Variants in KIF2A observed in about 807,000 individuals in gnomAD.
The protein encoded by KIF2A is kinesin family member 2A, also known as kinesin-like protein KIF2A.
KIF2A carries 22 observed loss-of-function variants against 100.2 expected under a neutral mutation model. The observed-to-expected ratio is 0.22, with a 90% CI of 0.16 to 0.31. The LOEUF (loss-of-function observed/expected upper bound fraction) is 0.31. KIF2A is among the 10% of genes least tolerant of loss of function. The pLI is 1.00. For missense variants in KIF2A, 495 were observed against 898.7 expected, an observed-to-expected ratio of 0.55 and a Z score of 5.74; for synonymous variants, 268 against 285.9, an observed-to-expected ratio of 0.94 and a Z score of 0.63.
rs1286863417 is a variant in KIF2A at position 62,390,431 on chromosome 5, T to A, written c.*4862T>A. Among the ~76,000 whole-genome samples, 1 of 152,232 alleles carries A rather than the reference T, an allele frequency of 6.6e-6. No homozygotes were observed. The highest frequency in any genetic ancestry group is 6.5e-5 in the Admixed American group (1 of 15,286). On this transcript the variant is annotated 3_prime_UTR_variant, in exon 21 of 21. Transcript: ENST00000407818. ...CCAGGTAGGATTCTAACTGGCATTA[T>A]TGTATGCTTAAGATTGATTTAACAA...
At chr5:62,372,775 C>G (rs1338429591) in intron 17 of KIF2A, among the ~76,000 whole-genome samples, 1 of 152,140 alleles carries the variant, frequency 6.6e-6, no homozygotes. Context: ...ATTTCCCCCT[C>G]ATATTTTTAA....
At chr5:62,332,942 G>C (rs1278770466) in intron 1 of KIF2A, among the ~76,000 whole-genome samples, 1 of 152,202 alleles carries the variant, frequency 6.6e-6, no homozygotes, top group African/African-American at 2.4e-5. Context: ...GTATATGAGA[G>C]GCTGTAGAAA....
intron 16 of KIF2A, among the ~76,000 whole-genome samples, chr5:62,368,088 T>C (rs920894705): frequency 6.6e-6 from 1 of 152,098 alleles, no homozygotes; most frequent in Non-Finnish European, 1.5e-5. Flanking sequence ...AAATGGATAA[T>C]GGATACTTAT....
intron 1 of KIF2A, among the ~76,000 whole-genome samples, chr5:62,325,389 G>A (rs993584430): frequency 2.0e-5 from 3 of 151,944 alleles, no homozygotes; most frequent in Non-Finnish European, 4.4e-5. Flanking sequence ...CTCCAAAAGT[G>A]CTGGGATTAC....
chr5:62,384,780 C>T, intron 20 of KIF2A, among the ~76,000 whole-genome samples: 1 of 152,112 alleles, frequency 6.6e-6, no homozygotes, highest in Non-Finnish European at 1.5e-5. Flanking sequence ...CCCCCTTCCT[C>T]ACAGTGAGGA....
At chr5:62,326,319 T>C (rs1746377656) in intron 1 of KIF2A, among the ~76,000 whole-genome samples, 3 of 152,180 alleles carry the variant, frequency 2.0e-5, no homozygotes, top group Admixed American at 2.0e-4. Flanking sequence ...GTTTCTCAAA[T>C]AGAAATCTTA....
chr5:62,346,548 T>C (rs1448923775), intron 1 of KIF2A, among the ~76,000 whole-genome samples: 1 of 152,142 alleles, frequency 6.6e-6, no homozygotes, highest in African/African-American at 2.4e-5. Flanking sequence ...GATACCAGCC[T>C]GCGCGATATG....
Position 62,363,869 on chromosome 5 carries a change from T to A in KIF2A, c.1437T>A (p.Ala479=), listed in dbSNP as rs748065143. 2 of 1,613,178 alleles carry A rather than the reference T, an allele frequency of 1.2e-6. No homozygotes were observed. Among genetic ancestry groups the A allele is most frequent in the Middle Eastern group, 1.7e-4 (1 of 6,060 alleles). The change falls in exon 14 of 21, where the codon GCT becomes GCA. Residue 479 remains alanine, a synonymous_variant. Transcript: ENST00000407818. ...SADRQTRLEG[A]EINKSLLALK... The stretch of plus-strand genomic sequence containing the variant: ...ACAGGCAAACTAGGCTTGAAGGTGC[T>A]GAAATTAATAAAAGCCTTTTAGCAC...
chr5:62,372,556 A>C lies in KIF2A; in HGVS notation c.1760+5A>C. Reference sequence around the variant, plus strand: ...CTTTTCTCCTTCAGTTACCAGGTCTACTTCATTCTATACATAAGATGTTTA... The same window carrying C: ...CTTTTCTCCTTCAGTTACCAGGTCTCCTTCATTCTATACATAAGATGTTTA... On this transcript the variant is annotated splice_donor_5th_base_variant and intron_variant, in intron 17 of 20. Transcript: ENST00000407818. The C allele has an allele frequency of 7.0e-7, 1 of 1,428,908 alleles. No individual in the cohort carries two copies. The allele number at this position is 1,428,908 out of a possible 1,614,324, so 88.5% of individuals were successfully genotyped here. A position where few individuals can be genotyped will look rare whatever the true frequency, so the allele number is the denominator to read the frequency against.
At chr5:62,371,377 G>A (rs1741318165) in intron 16 of KIF2A, among the ~76,000 whole-genome samples, 1 of 152,180 alleles carries the variant, frequency 6.6e-6, no homozygotes, top group Non-Finnish European at 1.5e-5. Context: ...GTCAAAGAAA[G>A]ACTGTTAGTA....
At chr5:62,316,655 C>A (rs1745830847) in intron 1 of KIF2A, among the ~76,000 whole-genome samples, 1 of 152,088 alleles carries the variant, frequency 6.6e-6, no homozygotes, top group Non-Finnish European at 1.5e-5. Context: ...AAACTAGGGA[C>A]TTTGGGTGAT....
chr5:62,380,890 C>CTT (rs933233443), intron 19 of KIF2A, among the ~76,000 whole-genome samples: 1 of 152,072 alleles, frequency 6.6e-6, no homozygotes, highest in Non-Finnish European at 1.5e-5. Flanking sequence ...CTCAGCGTAA[C>CTT]TTACATTGAA....
At chr5:62,327,316 T>C (rs891861625) in intron 1 of KIF2A, among the ~76,000 whole-genome samples, 3 of 152,200 alleles carry the variant, frequency 2.0e-5, no homozygotes, top group African/African-American at 7.2e-5. Context: ...TTTGACTACT[T>C]TATTGCCTAA....
rs1742129441 is a variant in KIF2A at position 62,388,246 on chromosome 5, C to G, written c.*2677C>G. 1 of 152,162 alleles carries G rather than the reference C, an allele frequency of 6.6e-6. No individual in the cohort carries two copies. Among genetic ancestry groups the G allele is most frequent in the African/African-American group, 2.4e-5 (1 of 41,444 alleles). The allele number at this position is 152,162 out of a possible 1,614,324, so 9.4% of individuals were successfully genotyped here. ...CTGAAGTTGAAACCAGTTTCAATTA[C>G]AAAACCCTCTGAAATTTTGCTAAGC... On this transcript the variant is annotated 3_prime_UTR_variant, in exon 21 of 21. Coordinates refer to ENST00000407818, the MANE Select transcript of KIF2A (RefSeq NM_001098511.3).
intron 1 of KIF2A, among the ~76,000 whole-genome samples, chr5:62,327,816 C>T (rs533567350): frequency 2.6e-5 from 4 of 152,172 alleles, no homozygotes; most frequent in South Asian, 4.1e-4. Context: ...TCTTCCTGTA[C>T]GTAGAGTGGA....
Position 62,386,174 on chromosome 5 carries a change from A to C in KIF2A, c.*605A>C, listed in dbSNP as rs1466580513. ...AGACATTTTTTGTGTGTGACTAGTTAATTTTGCAGGATGTGCCATATCATT... is the reference window on the plus strand; with the variant it reads ...AGACATTTTTTGTGTGTGACTAGTTCATTTTGCAGGATGTGCCATATCATT... On this transcript the variant is annotated 3_prime_UTR_variant, in exon 21 of 21. Coordinates refer to ENST00000407818, the MANE Select transcript of KIF2A (RefSeq NM_001098511.3). The C allele has an allele frequency of 1.3e-5, 2 of 152,758 alleles. No individual in the cohort carries two copies. Among genetic ancestry groups the C allele is most frequent in the African/African-American group, 4.8e-5 (2 of 41,424 alleles). 9.5% of individuals were successfully genotyped at this position (152,758 alleles called of 1,614,324 possible).
intron 1 of KIF2A, among the ~76,000 whole-genome samples, chr5:62,328,170 C>A (rs960483364): frequency 6.6e-6 from 1 of 151,972 alleles, no homozygotes; most frequent in Non-Finnish European, 1.5e-5. Context: ...TTCTTTAACA[C>A]GTAAGTAAAG....
intron 4 of KIF2A, among the ~76,000 whole-genome samples, chr5:62,350,467 G>A (rs999248500): frequency 4.6e-5 from 7 of 151,652 alleles, no homozygotes; most frequent in Admixed American, 2.0e-4. Flanking sequence ...TTAGTAGAGA[G>A]TCTTTCCATG....
chr5:62,379,025 C>T (rs1019546316), intron 19 of KIF2A, among the ~76,000 whole-genome samples: 17 of 152,178 alleles, frequency 1.1e-4, no homozygotes, highest in African/African-American at 4.1e-4. Context: ...CCTGTAATCC[C>T]AGCACTTTGG....
Sources: allele counts gnomAD v4.1 joint callset (sites outside exome capture counted in the v4.1 genomes callset), GRCh38; gene constraint gnomAD v4.1.1; transcripts MANE v1.5; gene names NCBI Gene and HGNC (gene_info 2026-07-23, HGNC 2026-07-21).